Variants in TTC29 observed in about 807,000 individuals in gnomAD.
TTC29 encodes the protein tetratricopeptide repeat protein 29.
Under a neutral mutation model 58.1 loss-of-function variants are expected in TTC29, and 49 were observed. That is an observed-to-expected ratio of 0.84 (90% CI 0.67 to 1.07). The LOEUF (loss-of-function observed/expected upper bound fraction) is 1.07. TTC29 is among the 50% of genes least tolerant of loss of function. The pLI, the probability that TTC29 is intolerant of heterozygous loss-of-function variation, is 0.00. For missense variants in TTC29, 582 were observed against 555.6 expected (o/e 1.05, Z -0.48); for synonymous variants, 209 against 196.8 (o/e 1.06, Z -0.52).
intron 6 of TTC29, among the ~76,000 whole-genome samples, chr4:146,897,191 T>A (rs1378674720): frequency 6.6e-6 from 1 of 152,110 alleles, no homozygotes; most frequent in African/African-American, 2.4e-5. Context: ...GTGGTCATAA[T>A]ATAACCAAAA....
At chr4:146,771,594 T>C (rs549006802) in intron 11 of TTC29, among the ~76,000 whole-genome samples, 1 of 152,256 alleles carries the variant, frequency 6.6e-6, no homozygotes, top group South Asian at 2.1e-4. Flanking sequence ...ATGATCTCAT[T>C]CCTTTTCATG....
In TTC29 at chr4:146,822,094, G is replaced by C. The variant is rs1200980899; in HGVS notation, c.978-1846C>G. 2.2e-5 allele frequency among the ~76,000 whole-genome samples: 3 copies of C among 135,850 alleles called. No homozygotes were observed. The East Asian group carries it at 6.5e-4, about 29-fold the overall frequency. 89.1% of individuals were successfully genotyped at this position (135,850 alleles called of 152,430 possible). ...CAACTGGGGCTATTTAAAAGAACAT[G>C]TTGCAAGTTCAGAAAGTATTTTCTT... On this transcript the variant is annotated intron_variant, in intron 9 of 12. Transcript: ENST00000325106.
At chr4:146,915,067 G>T (rs1734133461) in intron 4 of TTC29, among the ~76,000 whole-genome samples, 1 of 152,060 alleles carries the variant, frequency 6.6e-6, no homozygotes, top group Non-Finnish European at 1.5e-5. Flanking sequence ...ACTGTATAAA[G>T]AACTACTTCA....
At chr4:146,775,381 T>C (rs1434899638) in intron 11 of TTC29, among the ~76,000 whole-genome samples, 1 of 152,170 alleles carries the variant, frequency 6.6e-6, no homozygotes, top group Admixed American at 6.5e-5. Context: ...TGGTGGCTGG[T>C]AACAATCTTT....
chr4:146,809,589 A>G lies in TTC29; in HGVS notation c.1102-5904T>C, dbSNP rs1750869058. 1.3e-5 allele frequency among the ~76,000 whole-genome samples: 2 copies of G among 150,060 alleles called. 1 individual carries two copies. The highest frequency in any genetic ancestry group is 1.4e-4 in the Admixed American group (2 of 14,614). On this transcript the variant is annotated intron_variant, in intron 10 of 12. Coordinates refer to ENST00000325106, the MANE Select transcript of TTC29 (RefSeq NM_031956.4). ...AGAAAAAAAACAAACAACTCCATCA[A>G]AAAGTGGGCAAAGGATATGAACAGA...
chr4:146,743,110 A>G (rs1199918399), intron 11 of TTC29, among the ~76,000 whole-genome samples: 1 of 152,046 alleles, frequency 6.6e-6, no homozygotes, highest in Non-Finnish European at 1.5e-5. Context: ...AGGGCCAGGA[A>G]AAGACTTTAA....
At chr4:146,802,087 T>A (rs948024493) in intron 11 of TTC29, among the ~76,000 whole-genome samples, 9 of 148,436 alleles carry the variant, frequency 6.1e-5, no homozygotes, top group African/African-American at 1.5e-4. Context: ...TTCAGGAGTA[T>A]TTTTTTTTTC....
chr4:146,842,624 TAAC>T (rs1728919812), intron 8 of TTC29, among the ~76,000 whole-genome samples: 1 of 152,158 alleles, frequency 6.6e-6, no homozygotes, highest in African/African-American at 2.4e-5. Context: ...ATTTCTCTGT[TAAC>T]AAGAAGTTAT....
chr4:146,821,562 G>A (rs1186855268), intron 9 of TTC29, among the ~76,000 whole-genome samples: 1 of 152,154 alleles, frequency 6.6e-6, no homozygotes, highest in Non-Finnish European at 1.5e-5. Context: ...CTCACAAAAT[G>A]TTCAGGAAGA....
chr4:146,859,860 T>G (rs1298124335), intron 8 of TTC29, among the ~76,000 whole-genome samples: 1 of 152,114 alleles, frequency 6.6e-6, no homozygotes, highest in Non-Finnish European at 1.5e-5. Context: ...GATCATCTCT[T>G]TTACTGTTCT....
intron 2 of TTC29, among the ~76,000 whole-genome samples, chr4:146,941,639 T>C (rs1005276975): frequency 6.6e-6 from 1 of 152,190 alleles, no homozygotes; most frequent in Non-Finnish European, 1.5e-5. Flanking sequence ...TCAAAGACGT[T>C]ATGGAGAATT....
chr4:146,885,886 A>G (rs1731950641), intron 6 of TTC29, among the ~76,000 whole-genome samples: 1 of 152,070 alleles, frequency 6.6e-6, no homozygotes, highest in South Asian at 2.1e-4. Context: ...AGAAGTGTTA[A>G]ATGGTTCTTT....
intron 11 of TTC29, among the ~76,000 whole-genome samples, chr4:146,732,044 T>A (rs765788397): frequency 1.3e-5 from 2 of 152,172 alleles, no homozygotes; most frequent in African/African-American, 2.4e-5. Flanking sequence ...GTAACAAGTT[T>A]TGGAAACAAA....
chr4:146,941,397 G>A (rs138880138), intron 2 of TTC29, among the ~76,000 whole-genome samples: 1 of 152,308 alleles, frequency 6.6e-6, no homozygotes, highest in East Asian at 1.9e-4. Context: ...TTGGTGCCAG[G>A]CACTGTTCTA....
chr4:146,823,355 T>C (rs1751970072), intron 9 of TTC29, among the ~76,000 whole-genome samples: 1 of 152,220 alleles, frequency 6.6e-6, no homozygotes, highest in African/African-American at 2.4e-5. Flanking sequence ...ATTTACTGAA[T>C]AGGAGATCCT....
At chr4:146,939,704 T>C in intron 3 of TTC29, 100 bp downstream of exon 3, 3 of 1,143,614 alleles carry the variant, frequency 2.6e-6, no homozygotes, top group Admixed American at 2.8e-5. Flanking sequence ...CATTTTTCTC[T>C]TCTCTTGAAA....
chr4:146,791,440 T>C (rs1749440403), intron 11 of TTC29, among the ~76,000 whole-genome samples: 1 of 152,194 alleles, frequency 6.6e-6, no homozygotes, highest in South Asian at 2.1e-4. Flanking sequence ...TGGGATGCCA[T>C]GTATTGCATC....
At chr4:146,735,654 A>G (rs1744662401) in intron 11 of TTC29, among the ~76,000 whole-genome samples, 1 of 152,204 alleles carries the variant, frequency 6.6e-6, no homozygotes, top group Non-Finnish European at 1.5e-5. Context: ...TATGTAAGCC[A>G]TGGGCGACTG....
intron 11 of TTC29, among the ~76,000 whole-genome samples, chr4:146,788,585 C>T (rs574191625): frequency 8.7e-4 from 131 of 151,144 alleles, no homozygotes; most frequent in African/African-American, 3.1e-3. Flanking sequence ...AATAATAGTT[C>T]GAAAATGCTT....
Sources: allele counts gnomAD v4.1 joint callset (sites outside exome capture counted in the v4.1 genomes callset), GRCh38; gene constraint gnomAD v4.1.1; transcripts MANE v1.5; gene names NCBI Gene and HGNC (gene_info 2026-07-23, HGNC 2026-07-21).